The following NMNAT2 variants were observed in gnomAD, a reference collection of about 807,000 sequenced individuals.
The protein encoded by NMNAT2 is nicotinamide/nicotinic acid mononucleotide adenylyltransferase 2.
In NMNAT2, 11 loss-of-function variants were observed where a neutral mutation model predicts 41.6. The observed-to-expected ratio is 0.26, with a 90% CI of 0.17 to 0.44. The LOEUF is 0.44. Among genes scored for constraint, NMNAT2 ranks in the 20% least tolerant of loss-of-function variants. The pLI, the probability that NMNAT2 is intolerant of heterozygous loss-of-function variation, is 1.00. For missense variants in NMNAT2, 288 were observed against 407.7 expected (o/e 0.71, Z 2.53); for synonymous variants, 148 against 151.2 (o/e 0.98, Z 0.16).
At chr1:183,280,575 AG>A (rs1195714898) in intron 7 of NMNAT2, among the ~76,000 whole-genome samples, 5 of 150,780 alleles carry the variant, frequency 3.3e-5, no homozygotes, top group Non-Finnish European at 3.0e-5. Context: ...TTTAGTAGAG[AG>A]GGGGTTTCAC....
Position 183,261,081 on chromosome 1 carries a change from G to A in NMNAT2, c.754-12C>T. 1.2e-6 allele frequency: 2 copies of A among 1,612,672 alleles called. No homozygotes were observed. The highest frequency in any genetic ancestry group is 2.2e-5 in the South Asian group (2 of 91,046). On this transcript the variant is annotated splice_polypyrimidine_tract_variant and intron_variant, in intron 9 of 10. Coordinates refer to ENST00000287713, the MANE Select transcript of NMNAT2 (RefSeq NM_015039.4). ...ACCATGATGTTGTTCTGAGGACAGAGCAGACAGAGTCAGTTGCCAGTCCCT... is the reference window on the plus strand; with the variant it reads ...ACCATGATGTTGTTCTGAGGACAGAACAGACAGAGTCAGTTGCCAGTCCCT...
At chr1:183,286,607 A>T in intron 5 of NMNAT2, 55 bp downstream of exon 5, 5 of 1,487,466 alleles carry the variant, frequency 3.4e-6, no homozygotes, top group Non-Finnish European at 4.6e-6. Context: ...CATTAATTTA[A>T]CAAGCCCTCC....
At chr1:183,300,417 G>GAAAAAAAAAA (rs59973277) in intron 1 of NMNAT2, among the ~76,000 whole-genome samples, 1 of 139,554 alleles carries the variant, frequency 7.2e-6, no homozygotes. Flanking sequence ...CTAAAAAAAA[G>GAAAAAAAAAA]AAAAAAAAAA....
At chr1:183,307,828 C>T (rs529949118) in intron 1 of NMNAT2, among the ~76,000 whole-genome samples, 4 of 152,324 alleles carry the variant, frequency 2.6e-5, no homozygotes, top group South Asian at 2.1e-4. Flanking sequence ...GTGATCTGCA[C>T]GCCTCGTCCT....
At chr1:183,313,370 C>T (rs1488095899) in intron 1 of NMNAT2, among the ~76,000 whole-genome samples, 3 of 152,140 alleles carry the variant, frequency 2.0e-5, no homozygotes, top group Admixed American at 6.5e-5. Flanking sequence ...ACTTTCTTTC[C>T]TTAGGCATGG....
chr1:183,327,487 G>C (rs1206862755), intron 1 of NMNAT2, among the ~76,000 whole-genome samples: 1 of 152,216 alleles, frequency 6.6e-6, no homozygotes, highest in African/African-American at 2.4e-5. Context: ...GGCCATATTT[G>C]CAGGCATTCC....
intron 5 of NMNAT2, among the ~76,000 whole-genome samples, chr1:183,285,496 A>C (rs1444906372): frequency 6.6e-6 from 1 of 152,096 alleles, no homozygotes; most frequent in Non-Finnish European, 1.5e-5. Context: ...ATCCAGAAAA[A>C]TTTTCTGAGC....
intron 10 of NMNAT2, among the ~76,000 whole-genome samples, chr1:183,256,934 T>G (rs1660528930): frequency 6.6e-6 from 1 of 151,958 alleles, no homozygotes; most frequent in South Asian, 2.1e-4. Flanking sequence ...GTATTTTTAG[T>G]AGAGATGGGG....
intron 1 of NMNAT2, among the ~76,000 whole-genome samples, chr1:183,378,418 G>A (rs1343351899): frequency 6.6e-6 from 1 of 150,658 alleles, no homozygotes; most frequent in African/African-American, 2.4e-5. Context: ...AGCCAGGTGT[G>A]GTGGTGCACA....
chr1:183,255,221 A>G (rs1293477327), intron 10 of NMNAT2, among the ~76,000 whole-genome samples: 1 of 152,186 alleles, frequency 6.6e-6, no homozygotes, highest in Admixed American at 6.5e-5. Flanking sequence ...AAATCAGTTG[A>G]CCATATATGT....
intron 1 of NMNAT2, among the ~76,000 whole-genome samples, chr1:183,390,379 C>T (rs7548141): frequency 0.25 from 38,023 of 152,036 alleles, 4,759 homozygotes; most frequent in South Asian, 0.29. Context: ...CTTATTATAA[C>T]GGAGCTGAGC....
At chr1:183,399,266 G>A (rs1012053919) in intron 1 of NMNAT2, among the ~76,000 whole-genome samples, 3 of 151,984 alleles carry the variant, frequency 2.0e-5, no homozygotes, top group African/African-American at 4.8e-5. Context: ...GACTACCGTC[G>A]GAGAATATTA....
intron 1 of NMNAT2, among the ~76,000 whole-genome samples, chr1:183,394,860 A>C (rs1372468965): frequency 6.6e-6 from 1 of 152,224 alleles, no homozygotes; most frequent in Non-Finnish European, 1.5e-5. Flanking sequence ...AGAGAGGAGC[A>C]AACTGTCCTT....
chr1:183,401,872 A>C (rs1392594195), intron 1 of NMNAT2, among the ~76,000 whole-genome samples: 1 of 143,206 alleles, frequency 7.0e-6, no homozygotes, highest in Non-Finnish European at 1.5e-5. Context: ...CAATGAGAAC[A>C]CTTGGACACA....
chr1:183,307,449 A>AT (rs5779163), intron 1 of NMNAT2, among the ~76,000 whole-genome samples: 17 of 146,832 alleles, frequency 1.2e-4, no homozygotes, highest in African/African-American at 3.6e-4. Flanking sequence ...TGGAATGTAT[A>AT]TTTTTTTTTT....
intron 10 of NMNAT2, among the ~76,000 whole-genome samples, chr1:183,257,299 G>T (rs897664210): frequency 2.6e-5 from 4 of 151,958 alleles, no homozygotes; most frequent in Middle Eastern, 3.2e-3. Context: ...AAATTAGCTG[G>T]GTGTGGTGGC....
intron 10 of NMNAT2, among the ~76,000 whole-genome samples, chr1:183,256,655 A>C (rs745484904): frequency 1.4e-4 from 22 of 152,324 alleles, no homozygotes; most frequent in Admixed American, 3.9e-4. Flanking sequence ...ATCCTACTTG[A>C]TCATCATGTA....
At chr1:183,325,037 G>A (rs1041195808) in intron 1 of NMNAT2, among the ~76,000 whole-genome samples, 3 of 152,200 alleles carry the variant, frequency 2.0e-5, no homozygotes, top group African/African-American at 7.2e-5. Context: ...AGCAGACCCC[G>A]AGGAACCAGA....
At chr1:183,340,321 CT>C (rs34610627) in intron 1 of NMNAT2, among the ~76,000 whole-genome samples, 73,876 of 114,722 alleles carry the variant, frequency 0.64, 22,720 homozygotes, top group East Asian at 0.83. Flanking sequence ...CCTGGGTTAG[CT>C]TTTTTTTTTT....
Sources: gnomAD v4.1 joint callset for allele counts (sites outside exome capture counted in the v4.1 genomes callset) on GRCh38, gnomAD v4.1.1 for gene constraint, MANE v1.5 for transcripts, NCBI Gene and HGNC (gene_info 2026-07-23, HGNC 2026-07-21) for gene names.